The following CDH22 variants were observed in gnomAD, a reference collection of about 807,000 sequenced individuals.
CDH22 encodes the protein cadherin 22, also known as cadherin-22.
A neutral mutation model predicts 58.4 loss-of-function variants in CDH22; 30 were observed. That is an observed-to-expected ratio of 0.51 (90% CI 0.38 to 0.70). The LOEUF is 0.70. Among genes scored for constraint, CDH22 ranks in the 30% least tolerant of loss-of-function variants. The probability of loss-of-function intolerance (pLI) is 0.00; values close to 1 mark genes in which losing one functional copy is unlikely to be tolerated. For synonymous variants in CDH22, 513 were observed against 558.2 expected, an observed-to-expected ratio of 0.92 and a Z score of 1.14; for missense variants, 1,014 against 1,233.9, an observed-to-expected ratio of 0.82 and a Z score of 2.67.
chr20:46,264,834 A>G (rs150248517), intron 1 of CDH22, among the ~76,000 whole-genome samples: 201 of 151,454 alleles, frequency 1.3e-3, no homozygotes, highest in Non-Finnish European at 1.9e-3. Flanking sequence ...CACACACACC[A>G]TGCACACACA....
intron 8 of CDH22, among the ~76,000 whole-genome samples, chr20:46,195,562 GC>G (rs990799276): frequency 2.0e-5 from 3 of 151,774 alleles, no homozygotes; most frequent in African/African-American, 7.3e-5. Context: ...GTGGCTGGGT[GC>G]CCCCCTTGGC....
chr20:46,260,943 C>T (rs1320554251), intron 1 of CDH22, among the ~76,000 whole-genome samples: 3 of 152,206 alleles, frequency 2.0e-5, no homozygotes, highest in African/African-American at 7.2e-5. Context: ...CAAAGTAGAA[C>T]AGATTTTGTG....
intron 1 of CDH22, among the ~76,000 whole-genome samples, chr20:46,292,023 C>T (rs1297838445): frequency 6.6e-6 from 1 of 152,180 alleles, no homozygotes; most frequent in Non-Finnish European, 1.5e-5. Flanking sequence ...GCTCTCCCAC[C>T]CCAATGGAGA....
intron 1 of CDH22, among the ~76,000 whole-genome samples, chr20:46,281,734 A>T (rs146630493): frequency 6.6e-6 from 1 of 152,330 alleles, no homozygotes; most frequent in East Asian, 1.9e-4. Context: ...ACATCTGTCG[A>T]CCCACACCTG....
At chr20:46,206,721 A>T (rs557563278) in intron 7 of CDH22, among the ~76,000 whole-genome samples, 1 of 152,192 alleles carries the variant, frequency 6.6e-6, no homozygotes, top group South Asian at 2.1e-4. Flanking sequence ...TATTTTCTTC[A>T]TAGTGCTTTC....
intron 8 of CDH22, among the ~76,000 whole-genome samples, chr20:46,197,439 C>T (rs112592268): frequency 9.6e-4 from 146 of 152,240 alleles, no homozygotes; most frequent in African/African-American, 3.2e-3. Flanking sequence ...GAAAGAGACC[C>T]ACTGGGTAGA....
At chr20:46,220,870 G>T (rs2086119149) in intron 4 of CDH22, 1 of 152,556 alleles carries the variant, frequency 6.6e-6, no homozygotes, top group Non-Finnish European at 1.5e-5. Flanking sequence ...GAACAGGGTA[G>T]GTTGCTATGG....
chr20:46,259,448 C>T (rs910008816), intron 1 of CDH22, among the ~76,000 whole-genome samples: 9 of 152,172 alleles, frequency 5.9e-5, no homozygotes, highest in African/African-American at 2.2e-4. Flanking sequence ...CTAGTGAAGA[C>T]CTACTATGTG....
intron 3 of CDH22, among the ~76,000 whole-genome samples, chr20:46,231,153 C>A (rs1320758794): frequency 2.6e-5 from 4 of 152,178 alleles, no homozygotes; most frequent in Non-Finnish European, 5.9e-5. Context: ...CGTGGTGCTG[C>A]TGCCCAGCCC....
intron 1 of CDH22, among the ~76,000 whole-genome samples, chr20:46,293,874 C>G (rs1039525129): frequency 1.3e-5 from 2 of 151,916 alleles, no homozygotes; most frequent in African/African-American, 4.8e-5. Context: ...AATTAGCCAG[C>G]CATGGTGGCT....
At chr20:46,180,172 G>A (rs2085774278) in intron 10 of CDH22, among the ~76,000 whole-genome samples, 1 of 152,230 alleles carries the variant, frequency 6.6e-6, no homozygotes, top group Non-Finnish European at 1.5e-5. Context: ...GTCTTGAAGA[G>A]CAATCCTTGA....
chr20:46,251,200 A>T lies in CDH22; in HGVS notation c.95T>A (p.Leu32Gln), dbSNP rs760068161. 2 of 1,473,686 alleles carry T rather than the reference A, an allele frequency of 1.4e-6. No homozygotes were observed. Among genetic ancestry groups the T allele is most frequent in the South Asian group, 2.7e-5 (2 of 75,372 alleles). 91.3% of individuals were successfully genotyped at this position (1,473,686 alleles called of 1,614,324 possible). A position where few individuals can be genotyped will look rare whatever the true frequency, so the allele number is the denominator to read the frequency against. ...LLLLLPPPPTLLGRLWAAGTP... is the reference protein window; with the variant it reads ...LLLLLPPPPTQLGRLWAAGTP... ...GCCCGCTGCCCACAGGCGCCCCAGC[A>T]GCGTCGGCGGCGGCGGCAGCAGCAG... Residue 32 changes from leucine (L) to glutamine (Q), a missense_variant, in exon 2 of 12, where the codon CTG (leucine) becomes CAG (glutamine). Physicochemically the swap from Leu to Gln is moderately radical, Grantham distance 113 (BLOSUM62 -2). This residue lies in a region of CDH22 where 806 missense variants were observed against 1,038.7 expected (regional missense o/e 0.78). Transcript: ENST00000537909. The surrounding 1 kb of genome is among the most constrained non-coding windows in gnomAD (Gnocchi z 6.7).
At chr20:46,236,554 T>A (rs2086253526) in intron 3 of CDH22, among the ~76,000 whole-genome samples, 1 of 140,408 alleles carries the variant, frequency 7.1e-6, no homozygotes, top group South Asian at 2.1e-4. Flanking sequence ...AATATATAAA[T>A]ATAAAAATAA....
intron 1 of CDH22, among the ~76,000 whole-genome samples, chr20:46,279,669 C>T (rs2425849): frequency 0.65 from 99,387 of 152,074 alleles, 32,652 homozygotes; most frequent in Middle Eastern, 0.7. Flanking sequence ...TAGGAGCTGG[C>T]GCTGAGGAAG....
intron 3 of CDH22, among the ~76,000 whole-genome samples, chr20:46,240,377 C>T (rs1466136362): frequency 7.9e-5 from 12 of 151,888 alleles, no homozygotes; most frequent in Non-Finnish European, 1.6e-4. Flanking sequence ...GTGGTTGGGC[C>T]CTGTTTCAGC....
chr20:46,228,818 G>A (rs1157743056), intron 3 of CDH22, among the ~76,000 whole-genome samples: 1 of 152,318 alleles, frequency 6.6e-6, no homozygotes, highest in East Asian at 1.9e-4. Flanking sequence ...TGGGAGGTGA[G>A]GCCAGTTCAC....
At chr20:46,212,343 G>T (rs1448102217) in intron 6 of CDH22, among the ~76,000 whole-genome samples, 2 of 152,220 alleles carry the variant, frequency 1.3e-5, no homozygotes, top group African/African-American at 4.8e-5. Context: ...GGAGAGTGGG[G>T]TCGGAGTGGG....
At chr20:46,198,331 C>CACAG (rs2085925252) in intron 8 of CDH22, among the ~76,000 whole-genome samples, 1 of 143,236 alleles carries the variant, frequency 7.0e-6, no homozygotes, top group Non-Finnish European at 1.5e-5. Flanking sequence ...CACACACACA[C>CACAG]ATATTCTTCC....
At position 46,216,788 on chromosome 20, in the gene CDH22, C is replaced by T. The variant is rs1468633815; in HGVS notation, c.838+38G>A. On this transcript the variant is annotated intron_variant, in intron 5 of 11. Transcript: ENST00000537909. The surrounding 1 kb of genome is among the most constrained non-coding windows in gnomAD (Gnocchi z 5.3). The stretch of plus-strand genomic sequence containing the variant: ...TGGCTTGGATGGGGTAACAGACAGA[C>T]ACACAGACGCGCCTTCCTCTGGGAA... 3 of 1,573,426 alleles carry T rather than the reference C, an allele frequency of 1.9e-6. No homozygotes were observed. In the Admixed American group the frequency reaches 5.1e-5, roughly 27 times the overall value.
Sources: gnomAD v4.1 joint callset for allele counts (sites outside exome capture counted in the v4.1 genomes callset) on GRCh38, gnomAD v4.1.1 for gene constraint, gnomAD v4.1.1 regional missense constraint, Gnocchi (gnomAD v3.1) non-coding constraint, MANE v1.5 for transcripts, NCBI Gene and HGNC (gene_info 2026-07-23, HGNC 2026-07-21) for gene names.